Variants in ZNF616 observed in about 807,000 individuals in gnomAD.
ZNF616 encodes the protein zinc finger protein 616.
In ZNF616, 5 loss-of-function variants were observed where a neutral mutation model predicts 7.6. The observed-to-expected ratio is 0.66, with a 90% CI of 0.34 to 1.38. ZNF616 has a LOEUF of 1.38. Among genes scored for constraint, ZNF616 ranks in the 40% most tolerant of loss-of-function variants. The pLI is 0.04. For missense variants in ZNF616, 913 were observed against 948.3 expected (o/e 0.96, Z 0.49); for synonymous variants, 319 against 317.2 (o/e 1.01, Z -0.06).
rs182924409 is a variant in ZNF616, at chr19:52,114,472, G to C, written c.*346C>G. 1.5e-4 allele frequency: 30 copies of C among 203,332 alleles called. No homozygotes were observed. The East Asian group carries it at 2.8e-3, about 19-fold the overall frequency. 12.6% of individuals were successfully genotyped at this position (203,332 alleles called of 1,614,324 possible). On this transcript the variant is annotated 3_prime_UTR_variant, in exon 4 of 4. Transcript: ENST00000600228. ...AAATGAAAACATGGTGCTGGCATCT[G>C]ATCACCCTCTAGGGAAGCCTCAGGA...
rs1402449758 is a variant in ZNF616, at chr19:52,114,635, G to C, written c.*183C>G. 1 of 679,006 alleles carries C rather than the reference G, an allele frequency of 1.5e-6. No individual in the cohort carries two copies. The allele number at this position is 679,006 out of a possible 1,614,324, so 42.1% of individuals were successfully genotyped here. ...GTCACTATTGCCAGGACAGCACCAA[G>C]GGGATGACGCTACATCTTTCTCAGT... On this transcript the variant is annotated 3_prime_UTR_variant, in exon 4 of 4. Coordinates refer to ENST00000600228, the MANE Select transcript of ZNF616 (RefSeq NM_178523.5).
At chr19:52,125,428 C>T (rs1470992446) in intron 2 of ZNF616, among the ~76,000 whole-genome samples, 2 of 152,202 alleles carry the variant, frequency 1.3e-5, no homozygotes, top group African/African-American at 4.8e-5. Context: ...GTAGCCACTC[C>T]CATGTTAAGT....
chr19:52,116,623 T>C lies in ZNF616; in HGVS notation c.541A>G (p.Arg181Gly). 1 of 1,614,078 alleles carries C rather than the reference T, an allele frequency of 6.2e-7. No homozygotes were observed. The highest frequency in any genetic ancestry group is 1.3e-5 in the African/African-American group (1 of 75,056). ...TCATTACATACATACGTTTTTTCCC[T>C]AATGTGTGGAGAAACTAAACAACCA... is the stretch of plus-strand genomic sequence containing the variant. ...NNGCLVSPHI[R>G]EKTYVCNECG... The change falls in exon 4 of 4, where the codon AGG becomes GGG. Residue 181 changes from arginine (R) to glycine (G), a missense_variant. Physicochemically the swap from Arg to Gly is moderately radical, Grantham distance 125. Coordinates refer to ENST00000600228, the MANE Select transcript of ZNF616 (RefSeq NM_178523.5).
Position 52,115,237 on chromosome 19 carries a change from T to C in ZNF616, c.1927A>G (p.Ser643Gly). ...YKCNQCGNSF[S>G]QRVHLRLHQT... Reference sequence around the variant, plus strand: ...TGAAGTCTAAGATGGACACGCTGACTAAAGGAATTCCCACACTGATTGCAT... The same window carrying C: ...TGAAGTCTAAGATGGACACGCTGACCAAAGGAATTCCCACACTGATTGCAT... The change falls in exon 4 of 4, where the codon AGT (serine) becomes GGT (glycine). Residue 643 changes from serine (S) to glycine (G), a missense_variant. Transcript: ENST00000600228. The C allele has an allele frequency of 6.2e-7, 1 of 1,614,204 alleles. No individual in the cohort carries two copies. Among genetic ancestry groups the C allele is most frequent in the South Asian group, 1.1e-5 (1 of 91,088 alleles).
chr19:52,121,647 A>C (rs1337060460), intron 3 of ZNF616, among the ~76,000 whole-genome samples: 1 of 152,204 alleles, frequency 6.6e-6, no homozygotes, highest in Non-Finnish European at 1.5e-5. Context: ...GGAAACCCAG[A>C]AACACAGCCA....
chr19:52,139,106 A>AT lies in ZNF616; in HGVS notation c.-77+625dup, dbSNP rs2089037217. ...TTATCATCCATTTTGCCGTGTACTC[A>AT]TTCTTTTCTCCCCAGTTTTTCTTTC... On this transcript the variant is annotated intron_variant, in intron 1 of 3. Transcript: ENST00000600228. The surrounding 1 kb of genome is among the most constrained non-coding windows in gnomAD (Gnocchi z 4.1). Among the ~76,000 whole-genome samples, 1 of 151,924 alleles carries AT rather than the reference A, an allele frequency of 6.6e-6. No homozygotes were observed. The highest frequency in any genetic ancestry group is 6.6e-5 in the Admixed American group (1 of 15,256).
At position 52,113,619 on chromosome 19, in the gene ZNF616, C is replaced by G. The variant is rs558738606; in HGVS notation, c.*1199G>C. 1 of 152,114 alleles carries G rather than the reference C, an allele frequency of 6.6e-6. No individual in the cohort carries two copies. The highest frequency in any genetic ancestry group is 2.4e-5 in the African/African-American group (1 of 41,408). 9.4% of individuals were successfully genotyped at this position (152,114 alleles called of 1,614,324 possible). ...ATGCTCCACTTCCCTGCCCTTCCCACCCCCATCAGCAGGCCCCAGTGTGTG... is the reference window on the plus strand; with the variant it reads ...ATGCTCCACTTCCCTGCCCTTCCCAGCCCCATCAGCAGGCCCCAGTGTGTG... On this transcript the variant is annotated 3_prime_UTR_variant, in exon 4 of 4. Transcript: ENST00000600228.
rs538303095 is a variant in ZNF616 at position 52,115,477 on chromosome 19, G to A, written c.1687C>T (p.Arg563Cys). 1.2e-5 allele frequency: 19 copies of A among 1,614,050 alleles called. No homozygotes were observed. In the African/African-American group the frequency reaches 1.2e-4, roughly 10 times the overall value. The change falls in exon 4 of 4, where the codon CGT (arginine) becomes TGT (cysteine). Residue 563 changes from arginine (R) to cysteine (C), a missense_variant. Arg to Cys is a radical substitution (Grantham distance 180). Coordinates refer to ENST00000600228, the MANE Select transcript of ZNF616 (RefSeq NM_178523.5). ...ECGKVFSQCSRLTVHRRIHSG... is the reference protein window; with the variant it reads ...ECGKVFSQCSCLTVHRRIHSG... ...TGAATTCTCCGATGCACTGTAAGAC[G>A]TGAACATTGACTGAAGACCTTGCCA...
chr19:52,138,313 T>C (rs185400014), intron 1 of ZNF616, among the ~76,000 whole-genome samples: 3 of 152,334 alleles, frequency 2.0e-5, no homozygotes, highest in Non-Finnish European at 2.9e-5. Context: ...AAATATCTTT[T>C]GATATAAACA....
Position 52,115,747 on chromosome 19 carries a change from C to G in ZNF616, c.1417G>C (p.Val473Leu). 1 of 1,614,096 alleles carries G rather than the reference C, an allele frequency of 6.2e-7. No homozygotes were observed. The highest frequency in any genetic ancestry group is 1.1e-5 in the South Asian group (1 of 91,074). ...GCAAGTCGTGAATGTATGCTGAAAA[C>G]TTTGCCACATTCATTGCATTTATAA... ...KAYKCNECGK[V>L]FSIHSRLAAH... Residue 473 changes from valine to leucine, a missense_variant, in exon 4 of 4, where the codon GTT becomes CTT. Transcript: ENST00000600228.
In ZNF616 at chr19:52,115,778, C is replaced by T; in HGVS notation, c.1386G>A (p.Glu462=). 6.2e-7 allele frequency: 1 copy of T among 1,609,526 alleles called. No homozygotes were observed. Among genetic ancestry groups the T allele is most frequent in the Non-Finnish European group, 8.5e-7 (1 of 1,177,984 alleles). Residue 462 remains glutamate, a synonymous_variant, in exon 4 of 4, where the codon GAG becomes GAA. Coordinates refer to ENST00000600228, the MANE Select transcript of ZNF616 (RefSeq NM_178523.5). ...CACATTCATTGCATTTATAAGCTTT[C>T]TCGCCGGTATGAATTCTCCAATGCA... ...LAVHWRIHTG[E]KAYKCNECGK... is the part of the protein sequence containing the mutation.
intron 2 of ZNF616, among the ~76,000 whole-genome samples, chr19:52,124,702 A>T (rs895600438): frequency 1.3e-5 from 2 of 152,254 alleles, no homozygotes; most frequent in Non-Finnish European, 2.9e-5. Context: ...AGAATATCCT[A>T]GTCTGTCTGT....
chr19:52,115,897 T>C lies in ZNF616; in HGVS notation c.1267A>G (p.Ser423Gly). 1 of 1,610,842 alleles carries C rather than the reference T, an allele frequency of 6.2e-7. No individual in the cohort carries two copies. The highest frequency in any genetic ancestry group is 8.5e-7 in the Non-Finnish European group (1 of 1,179,018). ...ECGKVFSKRS[S>G]LAVHQRIHTG... ...TGAATTCTCTGATGCACTGCAAGACTTGAACGTTTACTGAAGACCTTGCCA... is the reference window on the plus strand; with the variant it reads ...TGAATTCTCTGATGCACTGCAAGACCTGAACGTTTACTGAAGACCTTGCCA... The change falls in exon 4 of 4, where the codon AGT (serine) becomes GGT (glycine). Residue 423 changes from serine (S) to glycine (G), a missense_variant. Physicochemically the swap from Ser to Gly is moderately conservative, Grantham distance 56. Transcript: ENST00000600228.
rs2088787291 is a variant in ZNF616 at position 52,113,327 on chromosome 19, C to T, written c.*1491G>A. On this transcript the variant is annotated 3_prime_UTR_variant, in exon 4 of 4. Transcript: ENST00000600228. ...CATTGATTACATTTCCAAGTTTTCTCTCAAGTAGGGATAATTTGGTAAAGG... is the reference window on the plus strand; with the variant it reads ...CATTGATTACATTTCCAAGTTTTCTTTCAAGTAGGGATAATTTGGTAAAGG... 1 of 152,162 alleles carries T rather than the reference C, an allele frequency of 6.6e-6. No individual in the cohort carries two copies. Among genetic ancestry groups the T allele is most frequent in the African/African-American group, 2.4e-5 (1 of 41,440 alleles). 9.4% of individuals were successfully genotyped at this position (152,162 alleles called of 1,614,324 possible).
In ZNF616 at chr19:52,115,182, T is replaced by C; in HGVS notation, c.1982A>G (p.Tyr661Cys). The change falls in exon 4 of 4, where the codon TAC becomes TGC. Residue 661 changes from tyrosine (Y) to cysteine (C), a missense_variant. By Grantham distance (194) the Tyr-to-Cys change is radical. Coordinates refer to ENST00000600228, the MANE Select transcript of ZNF616 (RefSeq NM_178523.5). ...GGTTTTGCCACACTCATTACATTTGTAAGGTCTGTCTCCAGTATGAACAGT... is the reference window on the plus strand; with the variant it reads ...GGTTTTGCCACACTCATTACATTTGCAAGGTCTGTCTCCAGTATGAACAGT... ...HQTVHTGDRP[Y>C]KCNECGKTFK... 1 of 1,614,152 alleles carries C rather than the reference T, an allele frequency of 6.2e-7. No homozygotes were observed. The highest frequency in any genetic ancestry group is 1.7e-4 in the Middle Eastern group (1 of 6,058).
chr19:52,122,608 G>A (rs560150437), intron 3 of ZNF616, among the ~76,000 whole-genome samples: 3 of 151,656 alleles, frequency 2.0e-5, no homozygotes, highest in South Asian at 2.1e-4. Flanking sequence ...AATTTCCAAT[G>A]AGAAGAACTG....
At chr19:52,128,729 G>A (rs1400174734) in intron 2 of ZNF616, among the ~76,000 whole-genome samples, 2 of 137,868 alleles carry the variant, frequency 1.5e-5, no homozygotes, top group African/African-American at 2.7e-5. Flanking sequence ...GCAACAAGAC[G>A]AAACTCCGTC....
In ZNF616 at chr19:52,116,799, T is replaced by C. The variant is rs747916717; in HGVS notation, c.365A>G (p.Lys122Arg). The change falls in exon 4 of 4, where the codon AAA becomes AGA. Residue 122 changes from lysine (K) to arginine (R), a missense_variant. Transcript: ENST00000600228. ...PVPHENNLTG[K>R]RDQHSQGDVE... ...ATCCCCTTGACTATGTTGATCTCTTTTACCAGTAAGATTGTTTTCATGGGG... is the reference window on the plus strand; with the variant it reads ...ATCCCCTTGACTATGTTGATCTCTTCTACCAGTAAGATTGTTTTCATGGGG... The C allele has an allele frequency of 5.6e-6, 9 of 1,614,084 alleles. No homozygotes were observed. The highest frequency in any genetic ancestry group is 6.8e-6 in the Non-Finnish European group (8 of 1,179,970).
At chr19:52,138,660 CG>C (rs1385190609) in intron 1 of ZNF616, 1 of 152,290 alleles carries the variant, frequency 6.6e-6, no homozygotes, top group African/African-American at 2.4e-5. Context: ...TGTCCCCAGC[CG>C]CCACGTATTC....
Sources: allele counts gnomAD v4.1 joint callset (sites outside exome capture counted in the v4.1 genomes callset), GRCh38; gene constraint gnomAD v4.1.1; non-coding constraint Gnocchi (gnomAD v3.1); transcripts MANE v1.5; gene names NCBI Gene and HGNC (gene_info 2026-07-23, HGNC 2026-07-21).